The following RANBP6 variants were observed in gnomAD, a reference collection of about 807,000 sequenced individuals.
The protein encoded by RANBP6 is RAN binding protein 6.
Under a neutral mutation model 35.3 loss-of-function variants are expected in RANBP6, and 10 were observed. That is an observed-to-expected ratio of 0.28 (90% CI 0.17 to 0.48). The LOEUF (loss-of-function observed/expected upper bound fraction) is 0.48, where lower values mean the gene tolerates loss of function less well. Ranked by LOEUF, RANBP6 falls within the 20% of genes least tolerant of loss-of-function variation. The pLI, the probability that RANBP6 is intolerant of heterozygous loss-of-function variation, is 0.99. For synonymous variants in RANBP6, 514 were observed against 464.2 expected (o/e 1.11, Z -1.38); for missense variants, 1,392 against 1,307.7 (o/e 1.06, Z -0.99).
Position 6,011,365 on chromosome 9 carries a change from G to A in RANBP6, c.*925C>T, listed in dbSNP as rs953947451. 6.6e-6 allele frequency: 1 copy of A among 152,012 alleles called. No homozygotes were observed. Among genetic ancestry groups the A allele is most frequent in the African/African-American group, 2.4e-5 (1 of 41,346 alleles). 9.4% of individuals were successfully genotyped at this position (152,012 alleles called of 1,614,324 possible). On this transcript the variant is annotated 3_prime_UTR_variant, in exon 1 of 1. Coordinates refer to ENST00000259569, the MANE Select transcript of RANBP6 (RefSeq NM_012416.4). ...TTTCTTTCCTTTCACTTTTCCAATA[G>A]AATACTCTTCAGTTCTACTCTAGAA...
Position 6,014,329 on chromosome 9 carries a change from C to T in RANBP6, c.1279G>A (p.Ala427Thr). 1.2e-6 allele frequency: 2 copies of T among 1,614,174 alleles called. No individual in the cohort carries two copies. Among genetic ancestry groups the T allele is most frequent in the Non-Finnish European group, 1.7e-6 (2 of 1,179,980 alleles). The change falls in exon 1 of 1, where the codon GCC becomes ACC. Residue 427 changes from alanine to threonine, a missense_variant. Ala to Thr is a moderately conservative substitution (Grantham distance 58). Transcript: ENST00000259569. ...GCCATCTGTCCAAGTGTAGTACAGG[C>T]TGCAGCCCTCACCCTTGGATGAGGA... is the stretch of plus-strand genomic sequence containing the variant. ...QDPHPRVRAA[A>T]CTTLGQMATD...
chr9:6,014,176 TAAA>T lies in RANBP6; in HGVS notation c.1429_1431del (p.Phe477del). 6.2e-7 allele frequency: 1 copy of T among 1,613,714 alleles called. No homozygotes were observed. Among genetic ancestry groups the T allele is most frequent in the Non-Finnish European group, 8.5e-7 (1 of 1,179,918 alleles). Reference sequence around the variant, plus strand: ...AGCAATGATTTAGGGCAGTCTTCAATAAAAATAATAAGAGCAGAAGCTGCATGT... The same window carrying T: ...AGCAATGATTTAGGGCAGTCTTCAATAATAATAAGAGCAGAAGCTGCATGT... On this transcript the variant is annotated inframe_deletion, in exon 1 of 1. Transcript: ENST00000259569.
In RANBP6 at chr9:6,014,478, C is replaced by T. The variant is rs1340544421; in HGVS notation, c.1130G>A (p.Ser377Asn). 4 of 1,614,200 alleles carry T rather than the reference C, an allele frequency of 2.5e-6. No homozygotes were observed. Among genetic ancestry groups the T allele is most frequent in the African/African-American group, 2.7e-5 (2 of 75,050 alleles). The change falls in exon 1 of 1, where the codon AGC becomes AAC. Residue 377 changes from serine to asparagine, a missense_variant. By Grantham distance (46) the Ser-to-Asn change is conservative. Transcript: ENST00000259569. ...TKEHIMQMLQ[S>N]PDWKYRHAGL... The stretch of plus-strand genomic sequence containing the variant: ...AGCATGTCGATACTTCCAGTCAGGG[C>T]TCTGAAGCATCTGCATGATATGCTC...
In RANBP6 at chr9:6,015,210, C is replaced by A; in HGVS notation, c.398G>T (p.Gly133Val). ...VLARNLIDED[G>V]TNHWPEGLKF... ...CAGACCTTCCGGCCAGTGGTTAGTG[C>A]CATCCTCATCTATCAAATTCCTGGC... Residue 133 changes from glycine to valine, a missense_variant, in exon 1 of 1, where the codon GGC (glycine) becomes GTC (valine). Physicochemically the swap from Gly to Val is moderately radical, Grantham distance 109. Transcript: ENST00000259569. The A allele has an allele frequency of 6.2e-7, 1 of 1,614,124 alleles. No homozygotes were observed. Among genetic ancestry groups the A allele is most frequent in the Non-Finnish European group, 8.5e-7 (1 of 1,180,032 alleles).
Position 6,015,513 on chromosome 9 carries a change from A to C in RANBP6, c.95T>G (p.Met32Arg). 1 of 1,613,610 alleles carries C rather than the reference A, an allele frequency of 6.2e-7. No homozygotes were observed. Among genetic ancestry groups the C allele is most frequent in the Non-Finnish European group, 8.5e-7 (1 of 1,180,038 alleles). ...LLKNLINPSCMVRRQAEEIYE... is the reference protein window; with the variant it reads ...LLKNLINPSCRVRRQAEEIYE... ...GATTTCCTCTGCTTGCCTCCGCACC[A>C]TACAGCTTGGATTGATCAGGTTCTT... is the stretch of plus-strand genomic sequence containing the variant. Residue 32 changes from methionine to arginine, a missense_variant, in exon 1 of 1, where the codon ATG becomes AGG. By Grantham distance (91) the Met-to-Arg change is moderately conservative (BLOSUM62 -1). Transcript: ENST00000259569.
chr9:6,013,872 T>A lies in RANBP6; in HGVS notation c.1736A>T (p.Glu579Val). ...ATTTGATGCATCTTGCATAAATTTT[T>A]CCTTCCCAACAGCAAGACCAATATG... ...ISHIGLAVGK[E>V]KFMQDASNVM... The change falls in exon 1 of 1, where the codon GAA becomes GTA. Residue 579 changes from glutamate (E) to valine (V), a missense_variant. Coordinates refer to ENST00000259569, the MANE Select transcript of RANBP6 (RefSeq NM_012416.4). 1 of 1,613,968 alleles carries A rather than the reference T, an allele frequency of 6.2e-7. No individual in the cohort carries two copies. The highest frequency in any genetic ancestry group is 8.5e-7 in the Non-Finnish European group (1 of 1,179,964).
rs980389860 is a variant in RANBP6, at chr9:6,015,003, G to C, written c.605C>G (p.Ala202Gly). The change falls in exon 1 of 1, where the codon GCT becomes GGT. Residue 202 changes from alanine (A) to glycine (G), a missense_variant. By Grantham distance (60) the Ala-to-Gly change is moderately conservative. Coordinates refer to ENST00000259569, the MANE Select transcript of RANBP6 (RefSeq NM_012416.4). ...AAGTACAAATGCAGCTGCAGCTCTA[G>C]CGGATAATGTCCTGATTGCTGGATG... is the stretch of plus-strand genomic sequence containing the variant. ...QEHPAIRTLS[A>G]RAAAAFVLAN... 1 of 1,614,218 alleles carries C rather than the reference G, an allele frequency of 6.2e-7. No homozygotes were observed. The highest frequency in any genetic ancestry group is 8.5e-7 in the Non-Finnish European group (1 of 1,180,032).
At position 6,014,529 on chromosome 9, in the gene RANBP6, C is replaced by T. The variant is rs78484427; in HGVS notation, c.1079G>A (p.Gly360Glu). The change falls in exon 1 of 1, where the codon GGA (glycine) becomes GAA (glutamate). Residue 360 changes from glycine to glutamate, a missense_variant. Physicochemically the swap from Gly to Glu is moderately conservative, Grantham distance 98. Coordinates refer to ENST00000259569, the MANE Select transcript of RANBP6 (RefSeq NM_012416.4). ...CTTGGTCATTGGTAAAACAACTTTTCCACCAAGCCCACAAGCCAGTCTGTC... is the reference window on the plus strand; with the variant it reads ...CTTGGTCATTGGTAAAACAACTTTTTCACCAAGCCCACAAGCCAGTCTGTC... ...ALDRLACGLG[G>E]KVVLPMTKEH... 6.2e-7 allele frequency: 1 copy of T among 1,614,156 alleles called. No individual in the cohort carries two copies. The highest frequency in any genetic ancestry group is 1.3e-5 in the African/African-American group (1 of 75,064).
In RANBP6 at chr9:6,013,566, G is replaced by A; in HGVS notation, c.2042C>T (p.Ser681Leu). ...GDQQSFGIKT[S>L]GLEAKATACQ... Reference sequence around the variant, plus strand: ...AGCAGTTGCTTTTGCTTCAAGTCCTGAAGTTTTAATTCCAAAACTCTGCTG... The same window carrying A: ...AGCAGTTGCTTTTGCTTCAAGTCCTAAAGTTTTAATTCCAAAACTCTGCTG... Residue 681 changes from serine (S) to leucine (L), a missense_variant, in exon 1 of 1, where the codon TCA becomes TTA. Coordinates refer to ENST00000259569, the MANE Select transcript of RANBP6 (RefSeq NM_012416.4). 1.2e-6 allele frequency: 2 copies of A among 1,614,180 alleles called. No individual in the cohort carries two copies. The highest frequency in any genetic ancestry group is 2.7e-5 in the African/African-American group (2 of 75,048).
chr9:6,015,439 C>T lies in RANBP6; in HGVS notation c.169G>A (p.Val57Ile). ...TCATAACCTGCTCTTCTATTTCTGA[C>T]GGCATCTAAGAGGAAGGTAGTCTTA... ...LCKTTFLLDA[V>I]RNRRAGYEVR... Residue 57 changes from valine to isoleucine, a missense_variant, in exon 1 of 1, where the codon GTC becomes ATC. Transcript: ENST00000259569. 5.0e-6 allele frequency: 8 copies of T among 1,614,174 alleles called. No individual in the cohort carries two copies. Among genetic ancestry groups the T allele is most frequent in the Non-Finnish European group, 6.8e-6 (8 of 1,180,026 alleles).
chr9:6,013,532 C>A lies in RANBP6; in HGVS notation c.2076G>T (p.Met692Ile). The A allele has an allele frequency of 9.9e-6, 16 of 1,614,178 alleles. No individual in the cohort carries two copies. The highest frequency in any genetic ancestry group is 1.4e-5 in the Non-Finnish European group (16 of 1,180,024). ...TTAACTCCTTAGCATAGTAAACCAA[C>A]ATTTGGCAAGCAGTTGCTTTTGCTT... is the stretch of plus-strand genomic sequence containing the variant. ...GLEAKATACQ[M>I]LVYYAKELRE... The change falls in exon 1 of 1, where the codon ATG becomes ATT. Residue 692 changes from methionine (M) to isoleucine (I), a missense_variant. Coordinates refer to ENST00000259569, the MANE Select transcript of RANBP6 (RefSeq NM_012416.4).
In RANBP6 at chr9:6,013,683, G is replaced by A. The variant is rs771878219; in HGVS notation, c.1925C>T (p.Ala642Val). 3 of 1,614,144 alleles carry A rather than the reference G, an allele frequency of 1.9e-6. No homozygotes were observed. Among genetic ancestry groups the A allele is most frequent in the Non-Finnish European group, 2.5e-6 (3 of 1,180,020 alleles). ...GAGAGCAACATCAGGTTTAGCTGAA[G>A]CAGTCTTAATAAGAGGCTCGATAAC... ...PLVIEPLIKT[A>V]SAKPDVALLD... is the part of the protein sequence containing the mutation. Residue 642 changes from alanine to valine, a missense_variant, in exon 1 of 1, where the codon GCT becomes GTT. By Grantham distance (64) the Ala-to-Val change is moderately conservative. Transcript: ENST00000259569.
In RANBP6 at chr9:6,014,111, G is replaced by A. The variant is rs200444596; in HGVS notation, c.1497C>T (p.Ser499=). 295 of 1,613,922 alleles carry A rather than the reference G, an allele frequency of 1.8e-4. No individual in the cohort carries two copies. The highest frequency in any genetic ancestry group is 5.0e-4 in the Middle Eastern group (3 of 6,058). ...ACTCTTGAAGTTTAATCACCAAGACGGAATGTAGATTTTTCACCATACTAT... is the reference window on the plus strand; with the variant it reads ...ACTCTTGAAGTTTAATCACCAAGACAGAATGTAGATTTTTCACCATACTAT... ...YVDSMVKNLH[S]VLVIKLQELI... Residue 499 remains serine, a synonymous_variant, in exon 1 of 1, where the codon TCC becomes TCT. Transcript: ENST00000259569.
chr9:6,014,461 G>T lies in RANBP6; in HGVS notation c.1147C>A (p.Arg383=). The T allele has an allele frequency of 6.2e-7, 1 of 1,614,138 alleles. No homozygotes were observed. The highest frequency in any genetic ancestry group is 8.5e-7 in the Non-Finnish European group (1 of 1,180,036). ...GATAAGGCCATTAATCCAGCATGTC[G>T]ATACTTCCAGTCAGGGCTCTGAAGC... is the stretch of plus-strand genomic sequence containing the variant. ...QMLQSPDWKY[R]HAGLMALSAI... The change falls in exon 1 of 1, where the codon CGA becomes AGA. Residue 383 remains arginine, a synonymous_variant. Coordinates refer to ENST00000259569, the MANE Select transcript of RANBP6 (RefSeq NM_012416.4).
At position 6,014,679 on chromosome 9, in the gene RANBP6, G is replaced by A. The variant is rs781062087; in HGVS notation, c.929C>T (p.Ala310Val). The A allele has an allele frequency of 7.4e-6, 12 of 1,614,006 alleles. No homozygotes were observed. Among genetic ancestry groups the A allele is most frequent in the Non-Finnish European group, 1.0e-5 (12 of 1,180,042 alleles). Reference protein sequence around the residue: ...PMLKKHTNIIAQAVPHILAMM... With the variant: ...PMLKKHTNIIVQAVPHILAMM... ...TGCTAATATATGAGGAACTGCCTGT[G>A]CAATAATATTTGTATGTTTTTTCAA... Residue 310 changes from alanine to valine, a missense_variant, in exon 1 of 1, where the codon GCA (alanine) becomes GTA (valine). Transcript: ENST00000259569.
rs1037200382 is a variant in RANBP6, at chr9:6,011,530, C to T, written c.*760G>A. ...TGCTGAAACACATAACACTGACTCCCAAGAATACTGCTTACTTACTCTTTG... is the reference window on the plus strand; with the variant it reads ...TGCTGAAACACATAACACTGACTCCTAAGAATACTGCTTACTTACTCTTTG... On this transcript the variant is annotated 3_prime_UTR_variant, in exon 1 of 1. Coordinates refer to ENST00000259569, the MANE Select transcript of RANBP6 (RefSeq NM_012416.4). 9 of 152,120 alleles carry T rather than the reference C, an allele frequency of 5.9e-5. No individual in the cohort carries two copies. Among genetic ancestry groups the T allele is most frequent in the African/African-American group, 2.2e-4 (9 of 41,404 alleles). The allele number at this position is 152,120 out of a possible 1,614,324, so 9.4% of individuals were successfully genotyped here.
chr9:6,012,843 A>C lies in RANBP6; in HGVS notation c.2765T>G (p.Met922Arg). Residue 922 changes from methionine (M) to arginine (R), a missense_variant, in exon 1 of 1, where the codon ATG becomes AGG. By Grantham distance (91) the Met-to-Arg change is moderately conservative. Transcript: ENST00000259569. ...CCTGACTTCAGGGTTGTTATCTCGCATATTTAGTAGCATTGGCCACCGAAA... is the reference window on the plus strand; with the variant it reads ...CCTGACTTCAGGGTTGTTATCTCGCCTATTTAGTAGCATTGGCCACCGAAA... Reference protein sequence around the residue: ...EYFRWPMLLNMRDNNPEVRQA... With the variant: ...EYFRWPMLLNRRDNNPEVRQA... 6.2e-7 allele frequency: 1 copy of C among 1,614,092 alleles called. No individual in the cohort carries two copies. Among genetic ancestry groups the C allele is most frequent in the Non-Finnish European group, 8.5e-7 (1 of 1,180,004 alleles).
In RANBP6 at chr9:6,014,188, G is replaced by A. The variant is rs147033435; in HGVS notation, c.1420C>T (p.Leu474Phe). The stretch of plus-strand genomic sequence containing the variant: ...GGGCAGTCTTCAATAAAAATAATAA[G>A]AGCAGAAGCTGCATGTGATTGCACA... ...QRVQSHAASALIIFIEDCPKS... is the reference protein window; with the variant it reads ...QRVQSHAASAFIIFIEDCPKS... The change falls in exon 1 of 1, where the codon CTT becomes TTT. Residue 474 changes from leucine (L) to phenylalanine (F), a missense_variant. Leu to Phe is a conservative substitution (Grantham distance 22, BLOSUM62 0). Coordinates refer to ENST00000259569, the MANE Select transcript of RANBP6 (RefSeq NM_012416.4). The A allele has an allele frequency of 1.2e-6, 2 of 1,613,662 alleles. No homozygotes were observed. Among genetic ancestry groups the A allele is most frequent in the Non-Finnish European group, 1.7e-6 (2 of 1,179,930 alleles).
At position 6,011,173 on chromosome 9, in the gene RANBP6, T is replaced by C. The variant is rs1002579898; in HGVS notation, c.*1117A>G. 3.9e-5 allele frequency: 6 copies of C among 152,194 alleles called. No individual in the cohort carries two copies. The highest frequency in any genetic ancestry group is 1.4e-4 in the African/African-American group (6 of 41,436). The allele number at this position is 152,194 out of a possible 1,614,324, so 9.4% of individuals were successfully genotyped here. On this transcript the variant is annotated 3_prime_UTR_variant, in exon 1 of 1. Coordinates refer to ENST00000259569, the MANE Select transcript of RANBP6 (RefSeq NM_012416.4). ...GATCAATGAGTAATCGTTAGCTGAGTAGAAAGCTCTTTTCTACCCTACAAT... is the reference window on the plus strand; with the variant it reads ...GATCAATGAGTAATCGTTAGCTGAGCAGAAAGCTCTTTTCTACCCTACAAT...
Sources: gnomAD v4.1 joint callset for allele counts on GRCh38, gnomAD v4.1.1 for gene constraint, MANE v1.5 for transcripts, NCBI Gene and HGNC (gene_info 2026-07-23, HGNC 2026-07-21) for gene names.